XKR4: variants seen among roughly 807,000 people sequenced by gnomAD.
The protein encoded by XKR4 is XK-related protein 4.
XKR4 carries 12 observed loss-of-function variants against 53.9 expected under a neutral mutation model. That is an observed-to-expected ratio of 0.22 (90% CI 0.14 to 0.36). XKR4 has a LOEUF of 0.36. XKR4 is among the 10% of genes least tolerant of loss of function. XKR4 has a pLI of 1.00. For synonymous variants in XKR4, 354 were observed against 362.4 expected (o/e 0.98, Z 0.26); for missense variants, 799 against 859.5 (o/e 0.93, Z 0.88).
chr8:55,373,581 G>A (rs1447176665), intron 2 of XKR4, among the ~76,000 whole-genome samples: 2 of 152,158 alleles, frequency 1.3e-5, no homozygotes, highest in African/African-American at 2.4e-5. Context: ...TTCCAGCATA[G>A]AGCCTTCAAT....
At chr8:55,227,373 A>G (rs570620287) in intron 1 of XKR4, among the ~76,000 whole-genome samples, 3 of 152,260 alleles carry the variant, frequency 2.0e-5, no homozygotes, top group Non-Finnish European at 4.4e-5. Flanking sequence ...GGACCAAGGC[A>G]GGCCCAAGAC....
intron 1 of XKR4, chr8:55,164,487 G>T (rs1486024433): frequency 4.4e-6 from 2 of 455,478 alleles, no homozygotes; most frequent in Non-Finnish European, 8.8e-6. Context: ...CTCCACAGCT[G>T]CAAGCTCAAT....
At chr8:55,412,887 C>G (rs945512205) in intron 2 of XKR4, among the ~76,000 whole-genome samples, 1 of 152,118 alleles carries the variant, frequency 6.6e-6, no homozygotes, top group African/African-American at 2.4e-5. Flanking sequence ...TTAAGCTGTC[C>G]TAGAAGGCTA....
chr8:55,214,760 G>C (rs558454867), intron 1 of XKR4, among the ~76,000 whole-genome samples: 1 of 152,156 alleles, frequency 6.6e-6, no homozygotes, highest in Non-Finnish European at 1.5e-5. Context: ...CCTAAGGGGA[G>C]GGGTGAAAGG....
At chr8:55,171,791 A>C (rs568349370) in intron 1 of XKR4, among the ~76,000 whole-genome samples, 1 of 151,978 alleles carries the variant, frequency 6.6e-6, no homozygotes, top group Non-Finnish European at 1.5e-5. Flanking sequence ...GTCGCCTTCC[A>C]GTATCCCCGA....
At chr8:55,208,839 T>G (rs1213507206) in intron 1 of XKR4, among the ~76,000 whole-genome samples, 3 of 152,180 alleles carry the variant, frequency 2.0e-5, no homozygotes, top group Non-Finnish European at 4.4e-5. Context: ...CCTGCAAGCC[T>G]GGCCTGTGCT....
intron 1 of XKR4, among the ~76,000 whole-genome samples, chr8:55,269,259 C>G (rs1818654201): frequency 6.6e-6 from 1 of 151,664 alleles, no homozygotes; most frequent in African/African-American, 2.4e-5. Flanking sequence ...TGTGGTCTCT[C>G]TTTCTCACTC....
At chr8:55,411,416 T>C (rs988021381) in intron 2 of XKR4, among the ~76,000 whole-genome samples, 7 of 152,210 alleles carry the variant, frequency 4.6e-5, no homozygotes, top group African/African-American at 1.4e-4. Flanking sequence ...AAATTATCAT[T>C]GTTATTATTC....
At chr8:55,162,200 A>AG (rs1816994662) in intron 1 of XKR4, among the ~76,000 whole-genome samples, 1 of 152,138 alleles carries the variant, frequency 6.6e-6, no homozygotes, top group African/African-American at 2.4e-5. Flanking sequence ...ATCACAGTCT[A>AG]CTGTGGTCCC....
intron 1 of XKR4, among the ~76,000 whole-genome samples, chr8:55,144,601 C>T (rs1315083984): frequency 2.0e-5 from 3 of 151,954 alleles, no homozygotes; most frequent in Non-Finnish European, 2.9e-5. Context: ...TAAATTTTGG[C>T]ATCTAATCCA....
intron 1 of XKR4, among the ~76,000 whole-genome samples, chr8:55,327,401 C>T (rs1803310584): frequency 6.6e-6 from 1 of 151,026 alleles, no homozygotes; most frequent in Admixed American, 6.6e-5. Flanking sequence ...ATGCTATCCC[C>T]AAATCAAGAG....
intron 1 of XKR4, among the ~76,000 whole-genome samples, chr8:55,346,246 C>T (rs551528209): frequency 2.6e-5 from 4 of 151,892 alleles, no homozygotes; most frequent in Admixed American, 1.3e-4. Context: ...CTACCACACT[C>T]GGCTAATTTT....
chr8:55,248,091 G>A (rs908798279), intron 1 of XKR4, among the ~76,000 whole-genome samples: 4 of 151,568 alleles, frequency 2.6e-5, no homozygotes, highest in East Asian at 1.9e-4. Flanking sequence ...TCCTGACCTC[G>A]TGATCCACCC....
intron 1 of XKR4, among the ~76,000 whole-genome samples, chr8:55,185,064 C>T (rs1318116641): frequency 1.3e-5 from 2 of 152,130 alleles, no homozygotes. Flanking sequence ...CACAGCCAAA[C>T]AATAGTTTCT....
chr8:55,308,055 C>T (rs956049799), intron 1 of XKR4, among the ~76,000 whole-genome samples: 2 of 152,060 alleles, frequency 1.3e-5, no homozygotes, highest in Non-Finnish European at 2.9e-5. Context: ...GAGTTCAAGG[C>T]CAGCCTGGCC....
At chr8:55,460,000 A>G (rs1460011971) in intron 2 of XKR4, among the ~76,000 whole-genome samples, 3 of 145,676 alleles carry the variant, frequency 2.1e-5, no homozygotes, top group Non-Finnish European at 4.5e-5. Context: ...TATTCATAAT[A>G]GCCAAATGCT....
chr8:55,280,459 A>G (rs1343412073), intron 1 of XKR4, among the ~76,000 whole-genome samples: 1 of 152,250 alleles, frequency 6.6e-6, no homozygotes, highest in Non-Finnish European at 1.5e-5. Flanking sequence ...CTACATTATT[A>G]CAAGACTAGG....
At chr8:55,436,230 G>A (rs999241704) in intron 2 of XKR4, among the ~76,000 whole-genome samples, 3 of 152,086 alleles carry the variant, frequency 2.0e-5, no homozygotes, top group African/African-American at 7.2e-5. Flanking sequence ...AAATGCCTAG[G>A]TGCTTTACAG....
At chr8:55,384,038 T>C (rs574019355) in intron 2 of XKR4, among the ~76,000 whole-genome samples, 3 of 152,358 alleles carry the variant, frequency 2.0e-5, no homozygotes, top group African/African-American at 7.2e-5. Context: ...TGAGTTGTCC[T>C]AGGTATCGTC....
Sources: gnomAD v4.1 joint callset for allele counts (sites outside exome capture counted in the v4.1 genomes callset) on GRCh38, gnomAD v4.1.1 for gene constraint, MANE v1.5 for transcripts, NCBI Gene and HGNC (gene_info 2026-07-23, HGNC 2026-07-21) for gene names.